The following NKAIN2 variants were observed in gnomAD, a reference collection of about 807,000 sequenced individuals.
NKAIN2 encodes sodium/potassium transporting ATPase interacting 2, also known as sodium/potassium-transporting ATPase subunit beta-1-interacting protein 2.
NKAIN2 carries 14 observed loss-of-function variants against 32.6 expected under a neutral mutation model. The observed-to-expected ratio is 0.43, with a 90% CI of 0.28 to 0.67. The LOEUF (loss-of-function observed/expected upper bound fraction) is 0.67. NKAIN2 is among the 30% of genes least tolerant of loss of function. The probability of loss-of-function intolerance (pLI) is 0.17; values close to 1 mark genes in which losing one functional copy is unlikely to be tolerated. For synonymous variants in NKAIN2, 80 were observed against 87.2 expected, an observed-to-expected ratio of 0.92 and a Z score of 0.46; for missense variants, 198 against 258.3, an observed-to-expected ratio of 0.77 and a Z score of 1.60.
At chr6:124,689,584 T>G (rs143889264) in intron 4 of NKAIN2, among the ~76,000 whole-genome samples, 1 of 152,120 alleles carries the variant, frequency 6.6e-6, no homozygotes, top group Admixed American at 6.5e-5. Context: ...AGAAGCTTTA[T>G]AGTTTTGCAT....
At chr6:124,717,716 C>T (rs540917398) in intron 4 of NKAIN2, among the ~76,000 whole-genome samples, 1 of 152,160 alleles carries the variant, frequency 6.6e-6, no homozygotes, top group African/African-American at 2.4e-5. Context: ...TATTAAAAAA[C>T]AAATCTCTTC....
At chr6:124,464,029 C>A (rs1223682874) in intron 3 of NKAIN2, among the ~76,000 whole-genome samples, 6 of 152,094 alleles carry the variant, frequency 3.9e-5, no homozygotes, top group African/African-American at 1.4e-4. Context: ...GTCACCTAGG[C>A]TGGAGTGCAG....
intron 3 of NKAIN2, among the ~76,000 whole-genome samples, chr6:124,554,152 G>A (rs1451802928): frequency 6.6e-6 from 1 of 152,206 alleles, no homozygotes; most frequent in Non-Finnish European, 1.5e-5. Flanking sequence ...TCAAAATTCA[G>A]TTGGTCAGTT....
intron 1 of NKAIN2, among the ~76,000 whole-genome samples, chr6:124,048,693 T>C (rs1782258295): frequency 6.6e-6 from 1 of 152,106 alleles, no homozygotes; most frequent in African/African-American, 2.4e-5. Context: ...ATTTCTGTGA[T>C]GTTTATCAAT....
At position 124,658,517 on chromosome 6, in the gene NKAIN2, T is replaced by A. The variant is rs57474917; in HGVS notation, c.474+131T>A. 4.5e-4 allele frequency: 676 copies of A among 1,502,348 alleles called. 1 individual carries two copies. In the African/African-American group the frequency reaches 8.7e-3, roughly 19 times the overall value. The allele number at this position is 1,502,348 out of a possible 1,614,324, so 93.1% of individuals were successfully genotyped here. ...TTGCTTTTTCCTCATTAATGCGACT[T>A]TTAACAGGAAATCCTCAGGTTAAAC... On this transcript the variant is annotated intron_variant, in intron 4 of 6. Transcript: ENST00000368417.
At chr6:124,088,656 A>G (rs1784295046) in intron 1 of NKAIN2, among the ~76,000 whole-genome samples, 1 of 152,064 alleles carries the variant, frequency 6.6e-6, no homozygotes, top group Admixed American at 6.6e-5. Context: ...GAAAATACTC[A>G]CTGGATTTAA....
intron 3 of NKAIN2, among the ~76,000 whole-genome samples, chr6:124,555,811 C>T (rs1456853776): frequency 6.6e-6 from 1 of 152,172 alleles, no homozygotes; most frequent in Admixed American, 6.5e-5. Flanking sequence ...CAAATATGCT[C>T]TTACTAGGGT....
intron 3 of NKAIN2, among the ~76,000 whole-genome samples, chr6:124,635,303 C>T (rs1020911224): frequency 2.6e-5 from 4 of 151,890 alleles, no homozygotes; most frequent in African/African-American, 9.7e-5. Context: ...GTATATAAAA[C>T]TCACTGGTAG....
intron 3 of NKAIN2, among the ~76,000 whole-genome samples, chr6:124,625,799 C>A (rs375307848): frequency 6.6e-6 from 1 of 151,906 alleles, no homozygotes; most frequent in South Asian, 2.1e-4. Flanking sequence ...GGTTAAATAA[C>A]TGGGCTAAGG....
intron 4 of NKAIN2, among the ~76,000 whole-genome samples, chr6:124,790,222 T>C (rs2114804997): frequency 6.6e-6 from 1 of 152,236 alleles, no homozygotes; most frequent in Admixed American, 6.6e-5. Context: ...AACAGTTCTG[T>C]GCTCATTAAA....
At chr6:123,913,814 ATAACTT>A (rs940766076) in intron 1 of NKAIN2, among the ~76,000 whole-genome samples, 1 of 152,158 alleles carries the variant, frequency 6.6e-6, no homozygotes, top group African/African-American at 2.4e-5. Context: ...AAAAGAGAAA[ATAACTT>A]TATATTGATT....
At chr6:124,687,666 T>C (rs544554962) in intron 4 of NKAIN2, among the ~76,000 whole-genome samples, 1,066 of 29,216 alleles carry the variant, frequency 0.036, 34 homozygotes, top group Non-Finnish European at 0.068. Context: ...GAATATACCA[T>C]ATATATATTT....
intron 1 of NKAIN2, among the ~76,000 whole-genome samples, chr6:124,093,703 AT>A (rs2114933111): frequency 6.6e-6 from 1 of 152,260 alleles, no homozygotes; most frequent in South Asian, 2.1e-4. Context: ...AGGAAAATTG[AT>A]TGTATTATTT....
chr6:124,016,864 G>A (rs1486952319), intron 1 of NKAIN2, among the ~76,000 whole-genome samples: 7 of 151,990 alleles, frequency 4.6e-5, no homozygotes. Context: ...GCTAGCATTT[G>A]AATCCAGGTC....
At chr6:124,274,899 C>T (rs949439856) in intron 1 of NKAIN2, among the ~76,000 whole-genome samples, 1 of 152,086 alleles carries the variant, frequency 6.6e-6, no homozygotes, top group Non-Finnish European at 1.5e-5. Context: ...TACACACACA[C>T]TCACATACAC....
At chr6:123,837,240 A>G (rs1774668742) in intron 1 of NKAIN2, among the ~76,000 whole-genome samples, 1 of 151,632 alleles carries the variant, frequency 6.6e-6, no homozygotes, top group Non-Finnish European at 1.5e-5. Context: ...GAAATGTGTT[A>G]TTACACCATT....
chr6:124,177,060 G>A (rs1789192372), intron 1 of NKAIN2, among the ~76,000 whole-genome samples: 1 of 151,836 alleles, frequency 6.6e-6, no homozygotes, highest in Admixed American at 6.6e-5. Context: ...AGTCCTATGT[G>A]GGTATAATAA....
At chr6:124,748,973 G>A (rs1777585935) in intron 4 of NKAIN2, among the ~76,000 whole-genome samples, 1 of 151,946 alleles carries the variant, frequency 6.6e-6, no homozygotes, top group African/African-American at 2.4e-5. Context: ...TAGGTCAGAA[G>A]TCTAACACAG....
chr6:124,124,931 C>G (rs948719410), intron 1 of NKAIN2, among the ~76,000 whole-genome samples: 4 of 152,086 alleles, frequency 2.6e-5, no homozygotes, highest in African/African-American at 9.7e-5. Flanking sequence ...TGCACTTATT[C>G]AAATAACAGG....
Sources: gnomAD v4.1 joint callset for allele counts (sites outside exome capture counted in the v4.1 genomes callset) on GRCh38, gnomAD v4.1.1 for gene constraint, MANE v1.5 for transcripts, NCBI Gene and HGNC (gene_info 2026-07-23, HGNC 2026-07-21) for gene names.